Variants in EVA1A observed in about 807,000 individuals in gnomAD.
EVA1A encodes eva-1 homolog A, regulator of programmed cell death, also known as protein eva-1 homolog A.
EVA1A carries 7 observed loss-of-function variants against 9.8 expected under a neutral mutation model. That is an observed-to-expected ratio of 0.71 (90% CI 0.41 to 1.34). The LOEUF (loss-of-function observed/expected upper bound fraction) is 1.34. Among genes scored for constraint, EVA1A ranks in the 40% most tolerant of loss-of-function variants. The pLI is 0.01. For missense variants in EVA1A, 206 were observed against 205.9 expected (o/e 1.00, Z 0.00); for synonymous variants, 90 against 85.6 (o/e 1.05, Z -0.28).
At chr2:75,531,358 G>A (rs116731457) in intron 1 of EVA1A, among the ~76,000 whole-genome samples, 1,840 of 152,190 alleles carry the variant, frequency 0.012, 40 homozygotes, top group African/African-American at 0.042. Context: ...CTTAAAGAAC[G>A]AAAAGCAGAT....
At chr2:75,547,306 A>C (rs955089435) in intron 1 of EVA1A, among the ~76,000 whole-genome samples, 2 of 152,224 alleles carry the variant, frequency 1.3e-5, no homozygotes, top group African/African-American at 4.8e-5. Flanking sequence ...TCTGCATCTC[A>C]GGAATGGTAC....
In EVA1A at chr2:75,509,104, A is replaced by G. The variant is rs549254668; in HGVS notation, c.85+8952T>C. ...CTGTGCAAATCGAGGAACCCAAATA[A>G]TACTGGGTGGTGGACACACAGACAC... On this transcript the variant is annotated intron_variant, in intron 3 of 3. Transcript: ENST00000393913. Among the ~76,000 whole-genome samples, 24 of 152,258 alleles carry G rather than the reference A, an allele frequency of 1.6e-4. No homozygotes were observed. The South Asian group carries it at 4.1e-3, about 26-fold the overall frequency.
intron 3 of EVA1A, among the ~76,000 whole-genome samples, chr2:75,501,206 G>A (rs914043124): frequency 3.9e-5 from 6 of 152,060 alleles, no homozygotes; most frequent in African/African-American, 1.4e-4. Flanking sequence ...TCCTCTGCTG[G>A]AATGCCAGAG....
intron 1 of EVA1A, among the ~76,000 whole-genome samples, chr2:75,532,016 CG>C (rs1303836613): frequency 6.6e-6 from 1 of 151,722 alleles, no homozygotes; most frequent in African/African-American, 2.4e-5. Flanking sequence ...AAAAATTAGC[CG>C]GGTGTGGTGG....
upstream of EVA1A, among the ~76,000 whole-genome samples, chr2:75,564,903 T>A (rs1037576322): frequency 1.3e-5 from 2 of 152,184 alleles, no homozygotes; most frequent in Admixed American, 6.5e-5. Context: ...ATGAACAAAC[T>A]AAGGCACAAC....
chr2:75,495,579 G>A (rs1189364068), intron 3 of EVA1A, among the ~76,000 whole-genome samples: 2 of 152,044 alleles, frequency 1.3e-5, no homozygotes, highest in African/African-American at 4.8e-5. Context: ...ACTTCATTTT[G>A]TCTCACCCTG....
At chr2:75,526,880 G>C (rs1675463762) in intron 1 of EVA1A, among the ~76,000 whole-genome samples, 1 of 152,226 alleles carries the variant, frequency 6.6e-6, no homozygotes, top group South Asian at 2.1e-4. Flanking sequence ...AACACTGGCA[G>C]AAGTGTGCAG....
At chr2:75,505,387 A>T (rs1269865328) in intron 3 of EVA1A, among the ~76,000 whole-genome samples, 1 of 152,234 alleles carries the variant, frequency 6.6e-6, no homozygotes. Context: ...TTCTCTGGGC[A>T]TTCAGCACAG....
chr2:75,569,171 A>AT (rs985878397), intron 1 of EVA1A, among the ~76,000 whole-genome samples: 3 of 152,092 alleles, frequency 2.0e-5, no homozygotes, highest in African/African-American at 7.2e-5. Flanking sequence ...TTTAATAAAT[A>AT]TTTTAATAAT....
At chr2:75,537,741 T>C (rs747124175) in intron 1 of EVA1A, among the ~76,000 whole-genome samples, 24 of 152,232 alleles carry the variant, frequency 1.6e-4, no homozygotes, top group African/African-American at 2.6e-4. Flanking sequence ...GGGTTCTCAT[T>C]CTATTACTTT....
intron 1 of EVA1A, among the ~76,000 whole-genome samples, chr2:75,550,472 A>G (rs1300713263): frequency 6.6e-6 from 1 of 152,162 alleles, no homozygotes; most frequent in Admixed American, 6.5e-5. Context: ...GTATCTACAC[A>G]GCAGATGCCA....
intron 1 of EVA1A, among the ~76,000 whole-genome samples, chr2:75,527,423 C>G (rs150193814): frequency 6.6e-6 from 1 of 152,148 alleles, no homozygotes; most frequent in Admixed American, 6.5e-5. Flanking sequence ...CCTCCTCCCC[C>G]TCCCCCTCTC....
chr2:75,498,383 G>A (rs968463231), intron 3 of EVA1A, among the ~76,000 whole-genome samples: 2 of 151,978 alleles, frequency 1.3e-5, no homozygotes, highest in Non-Finnish European at 2.9e-5. Flanking sequence ...CAGGTACTAC[G>A]CTCACCACCT....
At chr2:75,557,030 C>T (rs1676735624) in intron 1 of EVA1A, among the ~76,000 whole-genome samples, 1 of 152,150 alleles carries the variant, frequency 6.6e-6, no homozygotes, top group Admixed American at 6.5e-5. Flanking sequence ...TAGAATGTTT[C>T]CCTGGCCCCT....
At chr2:75,497,310 G>C (rs561927986) in intron 3 of EVA1A, among the ~76,000 whole-genome samples, 1 of 152,126 alleles carries the variant, frequency 6.6e-6, no homozygotes. Context: ...CTAATATCTA[G>C]AATCTATTTT....
At chr2:75,517,785 G>A in intron 3 of EVA1A, 1 of 718,490 alleles carries the variant, frequency 1.4e-6, no homozygotes, top group Non-Finnish European at 2.6e-6. Context: ...GAAGCCAACA[G>A]TAGCCCTGGG....
upstream of EVA1A, among the ~76,000 whole-genome samples, chr2:75,561,659 A>G (rs2104000559): frequency 6.6e-6 from 1 of 152,206 alleles, no homozygotes; most frequent in African/African-American, 2.4e-5. Flanking sequence ...GTGGTCTCTT[A>G]AGAGATGGGT....
intron 3 of EVA1A, 65 bp downstream of exon 3, chr2:75,517,991 C>G: frequency 3.8e-6 from 6 of 1,595,306 alleles, no homozygotes; most frequent in Non-Finnish European, 4.3e-6. Context: ...AGATGGCCAC[C>G]CAGGAGACAA....
intron 3 of EVA1A, among the ~76,000 whole-genome samples, chr2:75,497,537 T>A (rs1674253061): frequency 6.6e-6 from 1 of 151,906 alleles, no homozygotes; most frequent in Admixed American, 6.6e-5. Flanking sequence ...AAATACCATG[T>A]TGACAAAGTT....
Sources: gnomAD v4.1 joint callset for allele counts (sites outside exome capture counted in the v4.1 genomes callset) on GRCh38, gnomAD v4.1.1 for gene constraint, MANE v1.5 for transcripts, NCBI Gene and HGNC (gene_info 2026-07-23, HGNC 2026-07-21) for gene names.